SLC41A3: variants seen among roughly 807,000 people sequenced by gnomAD.
The protein encoded by SLC41A3 is SLC41A1-like 2.
A neutral mutation model predicts 45.4 loss-of-function variants in SLC41A3; 44 were observed. That is an observed-to-expected ratio of 0.97 (90% CI 0.76 to 1.25). The LOEUF is 1.25. Ranked by LOEUF, SLC41A3 falls within the 50% of genes most tolerant of loss-of-function variation. SLC41A3 has a pLI of 0.00. For synonymous variants in SLC41A3, 256 were observed against 252.4 expected, an observed-to-expected ratio of 1.01 and a Z score of -0.13; for missense variants, 550 against 600.6, an observed-to-expected ratio of 0.92 and a Z score of 0.88.
At chr3:126,086,392 T>G (rs1200282081), upstream of SLC41A3, among the ~76,000 whole-genome samples, 8 of 146,714 alleles carry the variant, frequency 5.5e-5, no homozygotes, top group East Asian at 1.6e-3. Context: ...CTATTTTTCT[T>G]TTTCTTTGTT....
chr3:126,046,499 C>A (rs1417058021), intron 3 of SLC41A3, among the ~76,000 whole-genome samples: 1 of 151,924 alleles, frequency 6.6e-6, no homozygotes. Flanking sequence ...GAAACAATAC[C>A]ATTTATAATA....
chr3:126,054,394 G>C (rs1020650847), intron 2 of SLC41A3, among the ~76,000 whole-genome samples: 1 of 152,054 alleles, frequency 6.6e-6, no homozygotes, highest in Non-Finnish European at 1.5e-5. Context: ...GCTCTCCTAC[G>C]TGTCTATGCT....
At chr3:126,059,231 AAG>A (rs1297202311) in intron 2 of SLC41A3, among the ~76,000 whole-genome samples, 2 of 13,518 alleles carry the variant, frequency 1.5e-4, no homozygotes, top group African/African-American at 4.4e-4. Context: ...AAAAGAAAGA[AAG>A]AGAAAGAAAG....
chr3:126,048,066 G>A (rs1403415218), intron 3 of SLC41A3, among the ~76,000 whole-genome samples: 1 of 152,068 alleles, frequency 6.6e-6, no homozygotes, highest in Admixed American at 6.5e-5. Flanking sequence ...AATGGGCAAA[G>A]GACTTGAATA....
intron 3 of SLC41A3, among the ~76,000 whole-genome samples, chr3:126,034,277 T>C (rs1942027142): frequency 6.6e-6 from 1 of 152,200 alleles, no homozygotes; most frequent in Non-Finnish European, 1.5e-5. Context: ...ACTGAGATCA[T>C]AAATATGACT....
At chr3:126,084,440 T>C (rs1945330388), upstream of SLC41A3, 2 of 152,170 alleles carry the variant, frequency 1.3e-5, no homozygotes, top group South Asian at 4.1e-4. Context: ...TATGGAGCTG[T>C]CAAGGTAGAA....
At chr3:126,031,319 C>T (rs1941779777) in intron 4 of SLC41A3, among the ~76,000 whole-genome samples, 1 of 151,664 alleles carries the variant, frequency 6.6e-6, no homozygotes, top group Non-Finnish European at 1.5e-5. Flanking sequence ...ACTGTTCATA[C>T]CCTTTGAACT....
intron 9 of SLC41A3, among the ~76,000 whole-genome samples, chr3:126,011,006 G>A (rs1939648023): frequency 6.6e-6 from 1 of 152,154 alleles, no homozygotes; most frequent in South Asian, 2.1e-4. Flanking sequence ...CAAAATGTCT[G>A]GATTCAAATG....
intron 3 of SLC41A3, among the ~76,000 whole-genome samples, chr3:126,035,624 G>A (rs1576274267): frequency 6.6e-6 from 1 of 152,338 alleles, no homozygotes; most frequent in Admixed American, 6.5e-5. Context: ...ATTACTAAGT[G>A]AATTCAGTTG....
rs752179987 is a variant in SLC41A3 at position 126,015,532 on chromosome 3, T to C, written c.932A>G (p.Gln311Arg). The C allele has an allele frequency of 6.2e-6, 10 of 1,614,106 alleles. No homozygotes were observed. The highest frequency in any genetic ancestry group is 1.7e-5 in the Admixed American group (1 of 60,006). ...GGTAAATATCGCCATGCCTTTGTAC[T>C]GCTGTTTAGAAACGGTTTTGCTCAA... ...LILSKTVSKQQYKGMAIFTPV... is the reference protein window; with the variant it reads ...LILSKTVSKQRYKGMAIFTPV... Residue 311 changes from glutamine to arginine, a missense_variant, in exon 8 of 11, where the codon CAG becomes CGG. Transcript: ENST00000360370.
At chr3:126,080,366 A>G (rs1336841875) in intron 1 of SLC41A3, among the ~76,000 whole-genome samples, 1 of 85,464 alleles carries the variant, frequency 1.2e-5, no homozygotes, top group African/African-American at 4.8e-5. Flanking sequence ...ACAACTCAAT[A>G]TAAAAAAAAT....
chr3:126,087,444 T>C (rs1346170079), upstream of SLC41A3, among the ~76,000 whole-genome samples: 1 of 152,068 alleles, frequency 6.6e-6, no homozygotes, highest in East Asian at 1.9e-4. Context: ...TATTAATAAG[T>C]ATTAAGTATC....
Position 126,012,596 on chromosome 3 carries a change from T to G in SLC41A3, c.1105+19A>C, listed in dbSNP as rs1216278746. 1 of 1,613,480 alleles carries G rather than the reference T, an allele frequency of 6.2e-7. No individual in the cohort carries two copies. The highest frequency in any genetic ancestry group is 1.7e-5 in the Admixed American group (1 of 59,974). On this transcript the variant is annotated intron_variant, in intron 9 of 10. Transcript: ENST00000360370. Reference sequence around the variant, plus strand: ...TTAAAGAAATGGCTATCATGGCCTCTGAAAGACATGACACCCACCTGACGT... The same window carrying G: ...TTAAAGAAATGGCTATCATGGCCTCGGAAAGACATGACACCCACCTGACGT...
At chr3:126,059,307 A>AAAGAAAGAAAGAAAGAAAGGAAGG (rs1559870097) in intron 2 of SLC41A3, among the ~76,000 whole-genome samples, 28 of 59,430 alleles carry the variant, frequency 4.7e-4, no homozygotes, top group South Asian at 1.4e-3. Context: ...AGAAAGAAAG[A>AAAGAAAGAAAGAAAGAAAGGAAGG]AAGGAAGGAT....
intron 1 of SLC41A3, among the ~76,000 whole-genome samples, chr3:126,095,577 A>C (rs138306772): frequency 0.17 from 25,816 of 152,018 alleles, 2,224 homozygotes; most frequent in Middle Eastern, 0.26. Context: ...GGATGTAATC[A>C]CTCTATGACA....
intron 2 of SLC41A3, among the ~76,000 whole-genome samples, chr3:126,055,787 G>A (rs886946142): frequency 3.9e-5 from 6 of 152,076 alleles, no homozygotes; most frequent in Admixed American, 6.5e-5. Context: ...CTCAGCACAC[G>A]CCTCCACTGC....
chr3:126,080,509 T>C (rs886502417), intron 1 of SLC41A3, among the ~76,000 whole-genome samples: 10 of 152,204 alleles, frequency 6.6e-5, no homozygotes, highest in Non-Finnish European at 1.5e-4. Flanking sequence ...AATGAGATAT[T>C]ATCCCACCCC....
intron 9 of SLC41A3, among the ~76,000 whole-genome samples, chr3:126,010,792 C>T (rs1939628735): frequency 6.6e-6 from 1 of 152,182 alleles, no homozygotes; most frequent in African/African-American, 2.4e-5. Context: ...TCAGAGGAGG[C>T]CTAGTGAGGA....
chr3:126,017,465 C>T (rs892767688), intron 6 of SLC41A3, among the ~76,000 whole-genome samples: 6 of 152,238 alleles, frequency 3.9e-5, no homozygotes, highest in Non-Finnish European at 7.3e-5. Context: ...ATCTCATCTT[C>T]TCCACTGGCG....
Sources: gnomAD v4.1 joint callset for allele counts (sites outside exome capture counted in the v4.1 genomes callset) on GRCh38, gnomAD v4.1.1 for gene constraint, MANE v1.5 for transcripts, NCBI Gene and HGNC (gene_info 2026-07-23, HGNC 2026-07-21) for gene names.